The following RAD51AP2 variants were observed in gnomAD, a reference collection of about 807,000 sequenced individuals.
RAD51AP2 encodes the protein RAD51-associated protein 2.
In RAD51AP2, 67 loss-of-function variants were observed where a neutral mutation model predicts 85.5. That is an observed-to-expected ratio of 0.78 (90% CI 0.64 to 0.96). RAD51AP2 has a LOEUF of 0.96. RAD51AP2 is among the 40% of genes least tolerant of loss of function. The pLI is 0.00. For synonymous variants in RAD51AP2, 474 were observed against 446.5 expected (o/e 1.06, Z -0.78); for missense variants, 1,307 against 1,332.4 (o/e 0.98, Z 0.30).
At chr2:17,526,224 A>T in the RAD51AP2 span, among the ~76,000 whole-genome samples, 4 of 152,000 alleles carry the variant, frequency 2.6e-5, no homozygotes, top group Admixed American at 2.0e-4. Context: ...ATTTTTGCAT[A>T]TAAAATCTCT....
chr2:17,537,250 A>G, the RAD51AP2 span, among the ~76,000 whole-genome samples: 1 of 152,012 alleles, frequency 6.6e-6, no homozygotes, highest in Non-Finnish European at 1.5e-5. Flanking sequence ...TGAGCCCAGG[A>G]GTTTGAGGCC....
At chr2:17,512,373 G>A (rs1662517598) in intron 2 of RAD51AP2, among the ~76,000 whole-genome samples, 1 of 152,148 alleles carries the variant, frequency 6.6e-6, no homozygotes, top group Admixed American at 6.5e-5. Context: ...ATTTTAACAA[G>A]CCTCAGGATG....
At position 17,518,274 on chromosome 2, in the gene RAD51AP2, C is replaced by A. The variant is rs1662756996; in HGVS notation, c.142G>T (p.Gly48Cys). The A allele has an allele frequency of 6.2e-7, 1 of 1,614,042 alleles. No individual in the cohort carries two copies. Among genetic ancestry groups the A allele is most frequent in the Admixed American group, 1.7e-5 (1 of 60,002 alleles). Residue 48 changes from glycine (G) to cysteine (C), a missense_variant, in exon 1 of 3, where the codon GGC becomes TGC. Around this residue, in one of 3 missense-constraint regions of RAD51AP2, gnomAD observed 635 missense variants for 643.6 expected, o/e 0.99. Coordinates refer to ENST00000399080, the MANE Select transcript of RAD51AP2 (RefSeq NM_001099218.3). ...CGAGGCACCAGAGGCAGTCGCCAGCCCGCCTTAAAGACACCTCCAGGCTCC... is the reference window on the plus strand; with the variant it reads ...CGAGGCACCAGAGGCAGTCGCCAGCACGCCTTAAAGACACCTCCAGGCTCC... ...LEEPGGVFKAGWRLPLVPRLS... is the reference protein window; with the variant it reads ...LEEPGGVFKACWRLPLVPRLS...
chr2:17,510,698 C>A lies in RAD51AP2; in HGVS notation c.*106G>T. ...TTTATACACTCAAAAAAAAAAACTT[C>A]TCCACTTTATAATAAAGCAAGCCCC... On this transcript the variant is annotated 3_prime_UTR_variant, in exon 3 of 3. Coordinates refer to ENST00000399080, the MANE Select transcript of RAD51AP2 (RefSeq NM_001099218.3). 3.2e-6 allele frequency: 2 copies of A among 616,396 alleles called. No individual in the cohort carries two copies. The highest frequency in any genetic ancestry group is 5.0e-6 in the Non-Finnish European group (2 of 396,914). 38.2% of individuals were successfully genotyped at this position (616,396 alleles called of 1,614,324 possible). A position where few individuals can be genotyped will look rare whatever the true frequency, so the allele number is the denominator to read the frequency against.
At chr2:17,519,924 C>T (rs757485621), upstream of RAD51AP2, among the ~76,000 whole-genome samples, 3 of 152,166 alleles carry the variant, frequency 2.0e-5, no homozygotes, top group African/African-American at 7.2e-5. Context: ...AGGACCAAGA[C>T]TTTTTAAATC....
chr2:17,516,579 G>A lies in RAD51AP2; in HGVS notation c.1837C>T (p.Leu613Phe). The change falls in exon 1 of 3, where the codon CTT (leucine) becomes TTT (phenylalanine). Residue 613 changes from leucine (L) to phenylalanine (F), a missense_variant. Physicochemically the swap from Leu to Phe is conservative, Grantham distance 22. Coordinates refer to ENST00000399080, the MANE Select transcript of RAD51AP2 (RefSeq NM_001099218.3). ...ATATTTTTTGGATACTTCAAATAAA[G>A]CATGCACTTGAAAATGCATTCCTCT... ...LEEECIFKCM[L>F]YLKYPKNIVE... is the part of the protein sequence containing the mutation. The A allele has an allele frequency of 6.3e-7, 1 of 1,585,858 alleles. No individual in the cohort carries two copies. Among genetic ancestry groups the A allele is most frequent in the Non-Finnish European group, 8.6e-7 (1 of 1,165,480 alleles).
chr2:17,531,716 G>A, the RAD51AP2 span, among the ~76,000 whole-genome samples: 1 of 152,134 alleles, frequency 6.6e-6, no homozygotes, highest in African/African-American at 2.4e-5. Flanking sequence ...CAACAATAAT[G>A]AAAGGTCTCT....
At chr2:17,528,918 A>G in the RAD51AP2 span, among the ~76,000 whole-genome samples, 2 of 152,168 alleles carry the variant, frequency 1.3e-5, no homozygotes, top group African/African-American at 2.4e-5. Flanking sequence ...GTACCTAAGA[A>G]AGAATATAAA....
At chr2:17,527,621 G>A in the RAD51AP2 span, among the ~76,000 whole-genome samples, 1 of 152,134 alleles carries the variant, frequency 6.6e-6, no homozygotes, top group Non-Finnish European at 1.5e-5. Flanking sequence ...TTAGAACTTT[G>A]TTACAGCTGC....
At position 17,517,858 on chromosome 2, in the gene RAD51AP2, A is replaced by C. The variant is rs913644091; in HGVS notation, c.558T>G (p.Val186=). The C allele has an allele frequency of 4.3e-6, 7 of 1,614,140 alleles. No individual in the cohort carries two copies. In the South Asian group the frequency reaches 6.6e-5, roughly 15 times the overall value. The change falls in exon 1 of 3, where the codon GTT becomes GTG. Residue 186 remains valine (V), a synonymous_variant. Coordinates refer to ENST00000399080, the MANE Select transcript of RAD51AP2 (RefSeq NM_001099218.3). ...CATCTAAAAATGGATTTTCTTTGTG[A>C]ACATTGTCTCTTCCTTGGACAAACT... ...KQQFVQGRDN[V]HKENPFLDVT...
the RAD51AP2 span, among the ~76,000 whole-genome samples, chr2:17,525,218 T>G: frequency 2.0e-5 from 3 of 152,044 alleles, no homozygotes; most frequent in African/African-American, 7.2e-5. Context: ...CTATCCTGAA[T>G]GTAGTATGTA....
upstream of RAD51AP2, among the ~76,000 whole-genome samples, chr2:17,520,519 T>C (rs748578225): frequency 6.6e-6 from 1 of 152,130 alleles, no homozygotes; most frequent in Non-Finnish European, 1.5e-5. Flanking sequence ...AACAGTAAAC[T>C]GAGCTTTAAA....
the RAD51AP2 span, among the ~76,000 whole-genome samples, chr2:17,526,096 A>C: frequency 2.0e-5 from 3 of 151,934 alleles, no homozygotes; most frequent in East Asian, 5.8e-4. Context: ...TGTATAAGTA[A>C]TATAATGAAT....
At position 17,510,661 on chromosome 2, in the gene RAD51AP2, G is replaced by T. The variant is rs1429058740; in HGVS notation, c.*143C>A. 6.5e-6 allele frequency: 3 copies of T among 459,204 alleles called. No homozygotes were observed. Among genetic ancestry groups the T allele is most frequent in the South Asian group, 5.7e-5 (1 of 17,496 alleles). 28.4% of individuals were successfully genotyped at this position (459,204 alleles called of 1,614,324 possible). On this transcript the variant is annotated 3_prime_UTR_variant, in exon 3 of 3. Coordinates refer to ENST00000399080, the MANE Select transcript of RAD51AP2 (RefSeq NM_001099218.3). ...ATAAAATATTTTATAACTTTGAAAGGTAATACCATAATTTATACACTCAAA... is the reference window on the plus strand; with the variant it reads ...ATAAAATATTTTATAACTTTGAAAGTTAATACCATAATTTATACACTCAAA...
chr2:17,527,453 T>G, the RAD51AP2 span, among the ~76,000 whole-genome samples: 6 of 152,114 alleles, frequency 3.9e-5, no homozygotes, highest in East Asian at 1.9e-4. Flanking sequence ...TTAGAAAAAT[T>G]TATATAGTAG....
rs201648158 is a variant in RAD51AP2 at position 17,517,893 on chromosome 2, G to T, written c.523C>A (p.Arg175=). Residue 175 remains arginine, a synonymous_variant, in exon 1 of 3, where the codon CGA becomes AGA. Coordinates refer to ENST00000399080, the MANE Select transcript of RAD51AP2 (RefSeq NM_001099218.3). ...CTTCCTTGGACAAACTGTTGTTTTC[G>T]ATTCTCATTTCTAATTCCATGTATA... is the stretch of plus-strand genomic sequence containing the variant. The part of the protein sequence containing the change: ...HDIHGIRNEN[R]KQQFVQGRDN... The T allele has an allele frequency of 3.7e-4, 598 of 1,613,888 alleles. No individual in the cohort carries two copies. Among genetic ancestry groups the T allele is most frequent in the Non-Finnish European group, 4.8e-4 (566 of 1,179,998 alleles).
Position 17,510,901 on chromosome 2 carries a change from C to T in RAD51AP2, c.3383G>A (p.Arg1128Lys), listed in dbSNP as rs1314449454. ...TCTTGACAAACCAATCCTGATTGGC[C>T]TACTGCATGTCTTAAGCGGTCGTAC... The part of the protein sequence containing the change: ...SRVRPLKTCS[R>K]PIRIGLSRKA... The change falls in exon 3 of 3, where the codon AGG becomes AAG. Residue 1128 changes from arginine to lysine, a missense_variant. Around this residue, in one of 3 missense-constraint regions of RAD51AP2, gnomAD observed 668 missense variants for 671.0 expected, o/e 1.00. Transcript: ENST00000399080. 1 of 1,608,604 alleles carries T rather than the reference C, an allele frequency of 6.2e-7. No individual in the cohort carries two copies. Among genetic ancestry groups the T allele is most frequent in the African/African-American group, 1.3e-5 (1 of 74,828 alleles).
At chr2:17,527,200 A>G in the RAD51AP2 span, among the ~76,000 whole-genome samples, 1 of 152,176 alleles carries the variant, frequency 6.6e-6, no homozygotes, top group Non-Finnish European at 1.5e-5. Flanking sequence ...TTGTACATTT[A>G]TGAATGATAT....
At position 17,510,771 on chromosome 2, in the gene RAD51AP2, C is replaced by T; in HGVS notation, c.*33G>A. The stretch of plus-strand genomic sequence containing the variant: ...TATATCCAAAGAAAACAAAACATTT[C>T]TAGATGTTGTAAAATGTTTTGAAAT... On this transcript the variant is annotated 3_prime_UTR_variant, in exon 3 of 3. Coordinates refer to ENST00000399080, the MANE Select transcript of RAD51AP2 (RefSeq NM_001099218.3). 2.1e-6 allele frequency: 3 copies of T among 1,426,810 alleles called. No individual in the cohort carries two copies. The highest frequency in any genetic ancestry group is 9.5e-7 in the Non-Finnish European group (1 of 1,048,200). The allele number at this position is 1,426,810 out of a possible 1,614,324, so 88.4% of individuals were successfully genotyped here.
Sources: allele counts gnomAD v4.1 joint callset (sites outside exome capture counted in the v4.1 genomes callset), GRCh38; gene constraint gnomAD v4.1.1; regional missense constraint gnomAD v4.1.1; transcripts MANE v1.5; gene names NCBI Gene and HGNC (gene_info 2026-07-23, HGNC 2026-07-21).